DIP2C: variants seen among roughly 807,000 people sequenced by gnomAD.
DIP2C encodes the protein disco-interacting protein 2 homolog C.
Under a neutral mutation model 192.4 loss-of-function variants are expected in DIP2C, and 33 were observed. That is an observed-to-expected ratio of 0.17 (90% CI 0.13 to 0.23). The LOEUF is 0.23. DIP2C is among the 10% of genes least tolerant of loss of function. The probability of loss-of-function intolerance (pLI) is 1.00; values close to 1 mark genes in which losing one functional copy is unlikely to be tolerated. For missense variants in DIP2C, 1,537 were observed against 2,110.1 expected, an observed-to-expected ratio of 0.73 and a Z score of 5.32; for synonymous variants, 979 against 864.1, an observed-to-expected ratio of 1.13 and a Z score of -2.33.
chr10:543,164 C>G (rs552264117), intron 1 of DIP2C, among the ~76,000 whole-genome samples: 1 of 152,334 alleles, frequency 6.6e-6, no homozygotes, highest in African/African-American at 2.4e-5. Context: ...CCAGTCTTCG[C>G]AAGGATCGTG....
intron 1 of DIP2C, among the ~76,000 whole-genome samples, chr10:537,263 C>T (rs894749086): frequency 6.6e-6 from 1 of 152,148 alleles, no homozygotes; most frequent in Non-Finnish European, 1.5e-5. Context: ...TAGAGCCCTG[C>T]ACAGCTCCCC....
At chr10:573,938 C>G (rs1241003416) in intron 1 of DIP2C, among the ~76,000 whole-genome samples, 1 of 152,196 alleles carries the variant, frequency 6.6e-6, no homozygotes, top group Non-Finnish European at 1.5e-5. Context: ...CAGACTAGAG[C>G]GTGACAGGAC....
rs190739157 is a variant in DIP2C at position 367,233 on chromosome 10, T to C, written c.2132-822A>G. Among the ~76,000 whole-genome samples the C allele has an allele frequency of 9.8e-3, 1,496 of 152,060 alleles. 18 individuals carry two copies. The highest frequency in any genetic ancestry group is 0.024 in the African/African-American group (983 of 41,478). On this transcript the variant is annotated intron_variant, in intron 18 of 36. Transcript: ENST00000280886. ...GAGATCGAGACCATCCTGGCTAACA[T>C]GGTGAAACCCCGTCTCTACTAAAAA...
intron 1 of DIP2C, among the ~76,000 whole-genome samples, chr10:514,114 C>CG (rs1261560515): frequency 1.3e-5 from 2 of 152,170 alleles, no homozygotes; most frequent in African/African-American, 4.8e-5. Flanking sequence ...CTGGCCACCT[C>CG]GGGGGGACAG....
chr10:333,874 G>C (rs1230676970), intron 29 of DIP2C, among the ~76,000 whole-genome samples: 1 of 152,086 alleles, frequency 6.6e-6, no homozygotes, highest in Non-Finnish European at 1.5e-5. Context: ...ATCTCACTGT[G>C]GTTTTAATTT....
At chr10:453,616 G>A (rs565480523) in intron 3 of DIP2C, among the ~76,000 whole-genome samples, 20 of 152,316 alleles carry the variant, frequency 1.3e-4, no homozygotes, top group African/African-American at 3.4e-4. Flanking sequence ...AAAATTTCAC[G>A]TAAATGGAAG....
At chr10:535,025 A>G (rs1026587492) in intron 1 of DIP2C, among the ~76,000 whole-genome samples, 1 of 152,174 alleles carries the variant, frequency 6.6e-6, no homozygotes, top group African/African-American at 2.4e-5. Context: ...GGTGTACACA[A>G]CAGACAAGAA....
chr10:409,976 T>C (rs1422589979), intron 8 of DIP2C, among the ~76,000 whole-genome samples: 3 of 152,246 alleles, frequency 2.0e-5, no homozygotes, highest in Non-Finnish European at 4.4e-5. Context: ...GCTGTAATAG[T>C]GTAATAAAGG....
chr10:589,650 T>C (rs1588536639), intron 1 of DIP2C, among the ~76,000 whole-genome samples: 1 of 152,338 alleles, frequency 6.6e-6, no homozygotes, highest in East Asian at 1.9e-4. Flanking sequence ...GTGTCCCTCC[T>C]GAGCATAATT....
chr10:410,640 G>C (rs1484235346), intron 8 of DIP2C, among the ~76,000 whole-genome samples: 1 of 152,150 alleles, frequency 6.6e-6, no homozygotes, highest in Non-Finnish European at 1.5e-5. Context: ...CTTTGCAACT[G>C]AAAGAAAAAC....
chr10:442,765 T>C (rs1487589751), intron 3 of DIP2C, among the ~76,000 whole-genome samples: 1 of 152,210 alleles, frequency 6.6e-6, no homozygotes, highest in Admixed American at 6.5e-5. Flanking sequence ...TCACATACAT[T>C]TTCCTCAAGA....
At chr10:604,123 T>C (rs1852301179) in intron 1 of DIP2C, among the ~76,000 whole-genome samples, 1 of 151,546 alleles carries the variant, frequency 6.6e-6, no homozygotes, top group African/African-American at 2.4e-5. Flanking sequence ...AAGGCATGTG[T>C]GTGAGGACAC....
rs1416491391 is a variant in DIP2C at position 390,321 on chromosome 10, C to A, written c.1437G>T (p.Pro479=). The change falls in exon 12 of 37, where the codon CCG becomes CCT. Residue 479 remains proline, a synonymous_variant. Transcript: ENST00000280886. ...FVTESKHLSK[P]PRDWFPHIKD... is the part of the protein sequence containing the mutation. ...TAATGTGTGGGAACCAGTCTCGGGG[C>A]GGTTTGGAGAGATGTTTAGACTCTG... The A allele has an allele frequency of 5.0e-6, 8 of 1,613,740 alleles. No individual in the cohort carries two copies. The Admixed American group carries it at 5.0e-5, about 10-fold the overall frequency.
chr10:421,141 G>C (rs1290109921), intron 5 of DIP2C, among the ~76,000 whole-genome samples: 1 of 152,134 alleles, frequency 6.6e-6, no homozygotes, highest in Non-Finnish European at 1.5e-5. Flanking sequence ...AGATAGTCTA[G>C]GAAGATTATC....
rs146847865 is a variant in DIP2C, at chr10:419,339, G to A, written c.605-140C>T. The A allele has an allele frequency of 7.1e-5, 86 of 1,206,812 alleles. 1 individual carries two copies. The highest frequency in any genetic ancestry group is 9.9e-5 in the Admixed American group (5 of 50,432). The allele number at this position is 1,206,812 out of a possible 1,614,324, so 74.8% of individuals were successfully genotyped here. ...TGGAAAGCCAGAGCCGATCTCAGCC[G>A]CATCTGCCACACACATCCAGCACAA... On this transcript the variant is annotated intron_variant, in intron 5 of 36. Coordinates refer to ENST00000280886, the MANE Select transcript of DIP2C (RefSeq NM_014974.3).
rs1441664654 is a variant in DIP2C, at chr10:275,389, AAAC to A, written c.*1933_*1935del. ...AATATTCACACACAGCAATGAGGTC[AAAC>A]AATATTTCAAGAATCAAATGGTTTG... On this transcript the variant is annotated 3_prime_UTR_variant, in exon 37 of 37. Coordinates refer to ENST00000280886, the MANE Select transcript of DIP2C (RefSeq NM_014974.3). 6.6e-6 allele frequency: 1 copy of A among 152,202 alleles called. No individual in the cohort carries two copies. Among genetic ancestry groups the A allele is most frequent in the Admixed American group, 6.5e-5 (1 of 15,272 alleles). 9.4% of individuals were successfully genotyped at this position (152,202 alleles called of 1,614,324 possible).
chr10:637,490 C>T (rs1281542383), intron 1 of DIP2C, among the ~76,000 whole-genome samples: 3 of 152,190 alleles, frequency 2.0e-5, no homozygotes, highest in African/African-American at 4.8e-5. Flanking sequence ...GGTTCACAGA[C>T]GGCGCCTTCT....
intron 1 of DIP2C, among the ~76,000 whole-genome samples, chr10:526,824 C>T (rs1410794300): frequency 2.0e-5 from 3 of 152,204 alleles, no homozygotes; most frequent in Non-Finnish European, 1.5e-5. Flanking sequence ...CATCTTCTCC[C>T]AGGGAACTGG....
At chr10:424,942 TATGACACAG>T (rs1435144224) in intron 4 of DIP2C, among the ~76,000 whole-genome samples, 7 of 151,848 alleles carry the variant, frequency 4.6e-5, no homozygotes, top group African/African-American at 1.5e-4. Flanking sequence ...CGGTGACTAA[TATGACACAG>T]ATGATACAGC....
Sources: allele counts gnomAD v4.1 joint callset (sites outside exome capture counted in the v4.1 genomes callset), GRCh38; gene constraint gnomAD v4.1.1; transcripts MANE v1.5; gene names NCBI Gene and HGNC (gene_info 2026-07-23, HGNC 2026-07-21).